Variants in USP13 observed in about 807,000 individuals in gnomAD.
USP13 encodes ubiquitin specific peptidase 13, also known as ubiquitin carboxyl-terminal hydrolase 13.
In USP13, 68 loss-of-function variants were observed where a neutral mutation model predicts 107.8. The ratio of observed to expected loss-of-function variants is 0.63; its 90% CI spans 0.52 to 0.77. The LOEUF is 0.77. Ranked by LOEUF, USP13 falls within the 30% of genes least tolerant of loss-of-function variation. The probability of loss-of-function intolerance (pLI) is 0.00; values close to 1 mark genes in which losing one functional copy is unlikely to be tolerated. For synonymous variants in USP13, 377 were observed against 389.5 expected (o/e 0.97, Z 0.38); for missense variants, 945 against 1,093.3 (o/e 0.86, Z 1.91).
At chr3:179,707,510 T>TGG (rs1197054325) in intron 5 of USP13, among the ~76,000 whole-genome samples, 9 of 152,212 alleles carry the variant, frequency 5.9e-5, no homozygotes, top group Non-Finnish European at 1.0e-4. Context: ...CCATGTGGCC[T>TGG]GAGCCCCAGT....
intron 1 of USP13, among the ~76,000 whole-genome samples, chr3:179,658,436 G>A (rs973279527): frequency 5.3e-5 from 8 of 152,024 alleles, no homozygotes; most frequent in African/African-American, 1.9e-4. Flanking sequence ...TGCTAATTCT[G>A]CCCCCCTCCC....
chr3:179,736,769 T>C (rs1424987684), intron 10 of USP13, among the ~76,000 whole-genome samples: 2 of 152,214 alleles, frequency 1.3e-5, no homozygotes, highest in South Asian at 2.1e-4. Context: ...ATGGTCTCTA[T>C]TGAAACTTCT....
At position 179,761,253 on chromosome 3, in the gene USP13, C is replaced by T; in HGVS notation, c.2090C>T (p.Pro697Leu). ...TGGATCATTGTTCACATGGAAGAGC[C>T]AGGTAGGTGGCGAGAAAATGGAATG... ...FNWIIVHMEE[P>L]DFAEPLTMPG... Residue 697 changes from proline (P) to leucine (L), a missense_variant and splice_region_variant, in exon 17 of 21, where the codon CCA becomes CTA. By Grantham distance (98) the Pro-to-Leu change is moderately conservative (BLOSUM62 -3). Transcript: ENST00000263966. The T allele has an allele frequency of 6.2e-7, 1 of 1,614,072 alleles. No individual in the cohort carries two copies. The highest frequency in any genetic ancestry group is 8.5e-7 in the Non-Finnish European group (1 of 1,179,996).
chr3:179,740,248 C>T lies in USP13; in HGVS notation c.1256C>T (p.Pro419Leu). The change falls in exon 11 of 21, where the codon CCA (proline) becomes CTA (leucine). Residue 419 changes from proline (P) to leucine (L), a missense_variant and splice_region_variant. Pro to Leu is a moderately conservative substitution (Grantham distance 98). Coordinates refer to ENST00000263966, the MANE Select transcript of USP13 (RefSeq NM_003940.3). ...IEQVMKEEHK[P>L]QQNGISPRMF... The stretch of plus-strand genomic sequence containing the variant: ...GTCCATTTCATTTTTATACATTAGC[C>T]ACAGCAGAACGGGATCTCTCCGCGC... 1 of 1,613,934 alleles carries T rather than the reference C, an allele frequency of 6.2e-7. No homozygotes were observed. The highest frequency in any genetic ancestry group is 8.5e-7 in the Non-Finnish European group (1 of 1,179,886).
chr3:179,675,870 G>C (rs1720878940), intron 1 of USP13, among the ~76,000 whole-genome samples: 1 of 151,950 alleles, frequency 6.6e-6, no homozygotes, highest in South Asian at 2.1e-4. Flanking sequence ...TAATTTAATA[G>C]AGCTGTCTAC....
intron 1 of USP13, among the ~76,000 whole-genome samples, chr3:179,658,469 G>A (rs183751774): frequency 8.5e-5 from 13 of 152,308 alleles, no homozygotes; most frequent in Admixed American, 2.6e-4. Flanking sequence ...AAGTGGAGCT[G>A]TTTATGCCTT....
chr3:179,742,086 G>T lies in USP13; in HGVS notation c.1381-111G>T. ...CTTTGGTGAATGGGCATGGCCAGAG[G>T]AAATGTTTAATAAAGCCAAGTGTTT... On this transcript the variant is annotated intron_variant, in intron 11 of 20. Coordinates refer to ENST00000263966, the MANE Select transcript of USP13 (RefSeq NM_003940.3). This position sits in a 1 kb window ranked among gnomAD's most constrained non-coding sequence, Gnocchi z 5.0. 7.3e-7 allele frequency: 1 copy of T among 1,361,038 alleles called. No individual in the cohort carries two copies. Among genetic ancestry groups the T allele is most frequent in the Non-Finnish European group, 1.0e-6 (1 of 990,832 alleles). The allele number at this position is 1,361,038 out of a possible 1,614,324, so 84.3% of individuals were successfully genotyped here.
chr3:179,696,196 C>A lies in USP13; in HGVS notation c.356-4812C>A, dbSNP rs144158617. On this transcript the variant is annotated intron_variant, in intron 3 of 20. Transcript: ENST00000263966. ...CTGAACACATCCCATTAGTGAAGGA[C>A]TGGGGCTATTTCAGAGTAAAATATT... is the stretch of plus-strand genomic sequence containing the variant. Among the ~76,000 whole-genome samples, 446 of 152,204 alleles carry A rather than the reference C, an allele frequency of 2.9e-3. 4 individuals are homozygous for A. The highest frequency in any genetic ancestry group is 9.9e-3 in the African/African-American group (412 of 41,522).
chr3:179,744,925 C>A, intron 12 of USP13, 118 bp from the exon 13 acceptor site: 1 of 1,304,174 alleles, frequency 7.7e-7, no homozygotes, highest in Non-Finnish European at 1.1e-6. Context: ...TAAAGGGCGA[C>A]AAATAAGCAA....
At chr3:179,688,170 TATCC>T (rs943549413) in intron 2 of USP13, among the ~76,000 whole-genome samples, 1 of 75,090 alleles carries the variant, frequency 1.3e-5, no homozygotes, top group Non-Finnish European at 2.9e-5. Flanking sequence ...TCCATCCGTA[TATCC>T]ATCCATCCAT....
intron 13 of USP13, 112 bp downstream of exon 13, chr3:179,745,329 G>A (rs918380210): frequency 6.1e-6 from 8 of 1,317,012 alleles, no homozygotes; most frequent in Middle Eastern, 2.7e-4. Context: ...GTTTGTTCAT[G>A]TGTGATGGAT....
chr3:179,734,195 A>G (rs1713906069), intron 10 of USP13, among the ~76,000 whole-genome samples: 1 of 152,238 alleles, frequency 6.6e-6, no homozygotes, highest in East Asian at 1.9e-4. Context: ...AAACATTGTC[A>G]TGCATAAAAA....
At chr3:179,672,055 A>G (rs150433129) in intron 1 of USP13, among the ~76,000 whole-genome samples, 1 of 152,338 alleles carries the variant, frequency 6.6e-6, no homozygotes, top group East Asian at 1.9e-4. Context: ...CTGGTTGCCA[A>G]GAAAACATCA....
chr3:179,654,552 T>C (rs2108424876), intron 1 of USP13, among the ~76,000 whole-genome samples: 2 of 152,330 alleles, frequency 1.3e-5, no homozygotes, highest in Middle Eastern at 6.8e-3. Context: ...GACTCAGCTG[T>C]CTGGCGTTTA....
chr3:179,762,227 T>C (rs1715035856), intron 17 of USP13, among the ~76,000 whole-genome samples: 1 of 152,252 alleles, frequency 6.6e-6, no homozygotes. Context: ...AGCATAGTGC[T>C]TTCAAGATTC....
chr3:179,779,733 A>G lies in USP13; in HGVS notation c.2414-2006A>G, dbSNP rs536783019. 3.9e-4 allele frequency among the ~76,000 whole-genome samples: 59 copies of G among 149,584 alleles called. No individual in the cohort carries two copies. The South Asian group carries it at 7.3e-3, about 18-fold the overall frequency. ...CAAGGGTTTGTTAAAAAAAAAAAAA[A>G]AAAAGAAAAAGAAAAAAGAAAGAAA... is the stretch of plus-strand genomic sequence containing the variant. On this transcript the variant is annotated intron_variant, in intron 19 of 20. Coordinates refer to ENST00000263966, the MANE Select transcript of USP13 (RefSeq NM_003940.3).
intron 13 of USP13, among the ~76,000 whole-genome samples, chr3:179,751,841 A>T (rs1257572004): frequency 6.6e-6 from 1 of 151,946 alleles, no homozygotes; most frequent in Non-Finnish European, 1.5e-5. Flanking sequence ...CTCCTGCCTC[A>T]GCCTCCCGAG....
intron 17 of USP13, among the ~76,000 whole-genome samples, chr3:179,762,432 T>C (rs2108536024): frequency 6.6e-6 from 1 of 152,146 alleles, no homozygotes; most frequent in South Asian, 2.1e-4. Context: ...AATGCAAAAA[T>C]TGTCTGGGCA....
At chr3:179,686,816 C>T (rs1711890233) in intron 2 of USP13, among the ~76,000 whole-genome samples, 1 of 152,196 alleles carries the variant, frequency 6.6e-6, no homozygotes, top group Non-Finnish European at 1.5e-5. Flanking sequence ...TGTTACTTGA[C>T]TTTTTGAGTA....
Sources: gnomAD v4.1 joint callset for allele counts (sites outside exome capture counted in the v4.1 genomes callset) on GRCh38, gnomAD v4.1.1 for gene constraint, Gnocchi (gnomAD v3.1) non-coding constraint, MANE v1.5 for transcripts, NCBI Gene and HGNC (gene_info 2026-07-23, HGNC 2026-07-21) for gene names.